Variants in CAB39 observed in about 807,000 individuals in gnomAD.
CAB39 encodes the protein calcium-binding protein 39.
Under a neutral mutation model 40.0 loss-of-function variants are expected in CAB39, and 8 were observed. The observed-to-expected ratio is 0.20, with a 90% CI of 0.12 to 0.36. The LOEUF (loss-of-function observed/expected upper bound fraction) is 0.36, where lower values mean the gene tolerates loss of function less well. Among genes scored for constraint, CAB39 ranks in the 10% least tolerant of loss-of-function variants. The probability of loss-of-function intolerance (pLI) is 1.00; values close to 1 mark genes in which losing one functional copy is unlikely to be tolerated. For missense variants in CAB39, 270 were observed against 401.1 expected, an observed-to-expected ratio of 0.67 and a Z score of 2.79; for synonymous variants, 156 against 141.6, an observed-to-expected ratio of 1.10 and a Z score of -0.72.
At chr2:230,744,399 T>G (rs1051043551) in intron 1 of CAB39, among the ~76,000 whole-genome samples, 1 of 152,184 alleles carries the variant, frequency 6.6e-6, no homozygotes, top group African/African-American at 2.4e-5. Context: ...GTTCAAGCAG[T>G]CCTCCTGCCT....
Position 230,820,501 on chromosome 2 carries a change from T to G in CAB39, c.*1797T>G, listed in dbSNP as rs1303956601. ...TTGAAAAAAAAATCTCTTGGATGTT[T>G]AGGAAGGAAGACTTGGCCGTGATGT... On this transcript the variant is annotated 3_prime_UTR_variant, in exon 9 of 9. Coordinates refer to ENST00000258418, the MANE Select transcript of CAB39 (RefSeq NM_016289.4). 2.6e-5 allele frequency: 4 copies of G among 152,384 alleles called. No homozygotes were observed. The South Asian group carries it at 6.2e-4, about 24-fold the overall frequency. 9.4% of individuals were successfully genotyped at this position (152,384 alleles called of 1,614,324 possible).
At chr2:230,763,759 T>G (rs1026222732) in intron 2 of CAB39, among the ~76,000 whole-genome samples, 1 of 152,194 alleles carries the variant, frequency 6.6e-6, no homozygotes, top group African/African-American at 2.4e-5. Flanking sequence ...AATGAACTTT[T>G]TATACTCTGT....
At chr2:230,790,012 C>T (rs921771212) in intron 2 of CAB39, among the ~76,000 whole-genome samples, 1 of 151,990 alleles carries the variant, frequency 6.6e-6, no homozygotes, top group Non-Finnish European at 1.5e-5. Context: ...TCGCTTGAGC[C>T]CAGGAGTTTG....
At chr2:230,776,593 C>T (rs898717812) in intron 2 of CAB39, among the ~76,000 whole-genome samples, 1 of 151,360 alleles carries the variant, frequency 6.6e-6, no homozygotes, top group African/African-American at 2.4e-5. Flanking sequence ...AGCATCATTC[C>T]CATGAGATCC....
At chr2:230,735,824 AT>A (rs1444342565) in intron 1 of CAB39, among the ~76,000 whole-genome samples, 19 of 152,204 alleles carry the variant, frequency 1.2e-4, no homozygotes, top group South Asian at 2.1e-4. Context: ...AACAAAAAAA[AT>A]ATTTTTATAT....
chr2:230,783,097 G>A (rs1036052502), intron 2 of CAB39, among the ~76,000 whole-genome samples: 1 of 152,132 alleles, frequency 6.6e-6, no homozygotes, highest in African/African-American at 2.4e-5. Flanking sequence ...AAGGTGTTGG[G>A]ATTACAGGCG....
intron 4 of CAB39, among the ~76,000 whole-genome samples, chr2:230,794,749 G>A (rs1475672899): frequency 1.3e-5 from 2 of 152,132 alleles, no homozygotes; most frequent in Non-Finnish European, 2.9e-5. Context: ...TAACATACCG[G>A]TTCCTACCCT....
At chr2:230,776,074 A>G (rs1575938431) in intron 2 of CAB39, among the ~76,000 whole-genome samples, 1 of 152,280 alleles carries the variant, frequency 6.6e-6, no homozygotes, top group South Asian at 2.1e-4. Context: ...AACCTATGGC[A>G]TGTTCAGAAA....
At position 230,714,583 on chromosome 2, in the gene CAB39, C is replaced by G. The variant is rs571163656; in HGVS notation, c.-44+1353C>G. 1.2e-3 allele frequency among the ~76,000 whole-genome samples: 181 copies of G among 152,318 alleles called. 1 individual carries two copies. The highest frequency in any genetic ancestry group is 4.2e-3 in the African/African-American group (173 of 41,570). On this transcript the variant is annotated intron_variant, in intron 1 of 8. Coordinates refer to ENST00000258418, the MANE Select transcript of CAB39 (RefSeq NM_016289.4). ...ATTAGGCGTATGTACTTTGGAATTA[C>G]TAAGCTAAACCTACATTCTTTGAGG...
At chr2:230,753,788 A>T (rs1415637249) in intron 1 of CAB39, among the ~76,000 whole-genome samples, 2 of 151,818 alleles carry the variant, frequency 1.3e-5, no homozygotes, top group Non-Finnish European at 2.9e-5. Flanking sequence ...TTTAATGGAC[A>T]AGGGAATTGT....
At chr2:230,788,263 G>A (rs901297637) in intron 2 of CAB39, among the ~76,000 whole-genome samples, 29 of 140,174 alleles carry the variant, frequency 2.1e-4, no homozygotes, top group Non-Finnish European at 3.7e-4. Context: ...TTTTTTTTAA[G>A]TGGTTGCTTT....
intron 8 of CAB39, 128 bp from the exon 9 acceptor site, chr2:230,818,388 C>G (rs1055667895): frequency 6.1e-6 from 4 of 656,034 alleles, no homozygotes; most frequent in Admixed American, 6.5e-5. Context: ...TAAAGCAAAA[C>G]CTAATGACCC....
At chr2:230,815,649 G>T (rs1696387105) in intron 7 of CAB39, among the ~76,000 whole-genome samples, 2 of 152,180 alleles carry the variant, frequency 1.3e-5, no homozygotes, top group Admixed American at 1.3e-4. Context: ...CCAAATGTTG[G>T]ATTCTTGGGC....
rs540296062 is a variant in CAB39, at chr2:230,817,436, T to C, written c.694-318T>C. ...ATTTTCTTGAATAGTTTCTTTTTAG[T>C]GAGCTAACACAAATGCACGCTTAAA... On this transcript the variant is annotated intron_variant, in intron 7 of 8. Coordinates refer to ENST00000258418, the MANE Select transcript of CAB39 (RefSeq NM_016289.4). 1.3e-5 allele frequency among the ~76,000 whole-genome samples: 2 copies of C among 152,314 alleles called. 1 individual carries two copies. Among genetic ancestry groups the C allele is most frequent in the South Asian group, 4.1e-4 (2 of 4,832 alleles).
chr2:230,753,353 A>G lies in CAB39; in HGVS notation c.-43-6606A>G, dbSNP rs150088545. On this transcript the variant is annotated intron_variant, in intron 1 of 8. Coordinates refer to ENST00000258418, the MANE Select transcript of CAB39 (RefSeq NM_016289.4). ...TCAGAAGGAAGCCTGTCCCCATAGC[A>G]GGTACGGATTGCCACAACCCACTTT... Among the ~76,000 whole-genome samples the G allele has an allele frequency of 7.2e-5, 11 of 152,346 alleles. 1 individual carries two copies. Among genetic ancestry groups the G allele is most frequent in the African/African-American group, 2.6e-4 (11 of 41,576 alleles).
intron 2 of CAB39, among the ~76,000 whole-genome samples, chr2:230,789,357 G>A (rs1695852428): frequency 6.6e-6 from 1 of 152,106 alleles, no homozygotes; most frequent in Non-Finnish European, 1.5e-5. Flanking sequence ...TCTGCCATCT[G>A]TGCCATTTCC....
intron 1 of CAB39, among the ~76,000 whole-genome samples, chr2:230,743,847 G>A (rs895494744): frequency 6.6e-6 from 1 of 150,860 alleles, no homozygotes; most frequent in Non-Finnish European, 1.5e-5. Context: ...GTAAGTATGT[G>A]TATGTGTGTG....
Position 230,713,052 on chromosome 2 carries a change from G to C in CAB39, c.-222G>C, listed in dbSNP as rs1209489183. ...GGAGCCCCTGGGCAGCCGTCCGCCC[G>C]CGCAGCCGCCGCCGCCGCGGGAGCC... On this transcript the variant is annotated 5_prime_UTR_variant, in exon 1 of 9. Coordinates refer to ENST00000258418, the MANE Select transcript of CAB39 (RefSeq NM_016289.4). 2.0e-5 allele frequency: 3 copies of C among 151,026 alleles called. No individual in the cohort carries two copies. The highest frequency in any genetic ancestry group is 4.4e-5 in the Non-Finnish European group (3 of 67,626). The allele number at this position is 151,026 out of a possible 1,614,324, so 9.4% of individuals were successfully genotyped here.
At chr2:230,720,013 T>G (rs1475567761) in intron 1 of CAB39, among the ~76,000 whole-genome samples, 1 of 152,232 alleles carries the variant, frequency 6.6e-6, no homozygotes, top group African/African-American at 2.4e-5. Context: ...TTTCAAATGT[T>G]CTACCTTTGT....
Sources: allele counts gnomAD v4.1 joint callset (sites outside exome capture counted in the v4.1 genomes callset), GRCh38; gene constraint gnomAD v4.1.1; transcripts MANE v1.5; gene names NCBI Gene and HGNC (gene_info 2026-07-23, HGNC 2026-07-21).